FAM171B: variants seen among roughly 807,000 people sequenced by gnomAD.
FAM171B encodes protein FAM171B.
FAM171B carries 19 observed loss-of-function variants against 75.6 expected under a neutral mutation model. The ratio of observed to expected loss-of-function variants is 0.25; its 90% CI spans 0.18 to 0.37. The LOEUF is 0.37. Ranked by LOEUF, FAM171B falls within the 10% of genes least tolerant of loss-of-function variation. FAM171B has a pLI of 1.00. For synonymous variants in FAM171B, 367 were observed against 361.7 expected, an observed-to-expected ratio of 1.01 and a Z score of -0.17; for missense variants, 848 against 982.4, an observed-to-expected ratio of 0.86 and a Z score of 1.83.
intron 1 of FAM171B, among the ~76,000 whole-genome samples, chr2:186,719,885 A>G (rs111967492): frequency 1.3e-5 from 2 of 152,216 alleles, no homozygotes; most frequent in Non-Finnish European, 1.5e-5. Flanking sequence ...TTGTTTCCAA[A>G]TGTGAAAAAT....
At chr2:186,697,005 C>CGGATGGAT (rs1209065137) in intron 1 of FAM171B, among the ~76,000 whole-genome samples, 1,214 of 70,722 alleles carry the variant, frequency 0.017, 15 homozygotes, top group African/African-American at 0.082. Context: ...AATGGATGGA[C>CGGATGGAT]GGATGGATGG....
intron 1 of FAM171B, among the ~76,000 whole-genome samples, 190 bp downstream of exon 1, chr2:186,694,601 C>T (rs544136605): frequency 6.6e-6 from 1 of 152,116 alleles, no homozygotes; most frequent in African/African-American, 2.4e-5. Flanking sequence ...ATCTGCCCTC[C>T]GGGTAATGAG....
At chr2:186,715,483 A>G (rs774423446) in intron 1 of FAM171B, among the ~76,000 whole-genome samples, 1 of 152,184 alleles carries the variant, frequency 6.6e-6, no homozygotes, top group Non-Finnish European at 1.5e-5. Context: ...GATTACAAGC[A>G]TGAGCCACCA....
chr2:186,753,813 C>T (rs1387126801), intron 5 of FAM171B, 120 bp from the exon 6 acceptor site: 1 of 674,068 alleles, frequency 1.5e-6, no homozygotes, highest in Non-Finnish European at 2.7e-6. Flanking sequence ...ATATATTAGC[C>T]TATGATTATA....
chr2:186,740,239 A>G lies in FAM171B; in HGVS notation c.250A>G (p.Met84Val), dbSNP rs1690268474. 1.2e-6 allele frequency: 2 copies of G among 1,613,602 alleles called. No individual in the cohort carries two copies. Among genetic ancestry groups the G allele is most frequent in the East Asian group, 4.5e-5 (2 of 44,860 alleles). The change falls in exon 2 of 8, where the codon ATG becomes GTG. Residue 84 changes from methionine (M) to valine (V), a missense_variant. Physicochemically the swap from Met to Val is conservative, Grantham distance 21 (BLOSUM62 1). This residue lies in a region of FAM171B where 665 missense variants were observed against 729.0 expected (regional missense o/e 0.91). Transcript: ENST00000304698. ...CTTTTTCTCTCCAGTGTCTGTATTT[A>G]TGTTGAAAGTCCAGGTGAATGACAT... ...STLTVPVSVF[M>V]LKVQVNDIIS...
chr2:186,739,551 C>T lies in FAM171B; in HGVS notation c.239-677C>T, dbSNP rs1282345286. Among the ~76,000 whole-genome samples the T allele has an allele frequency of 2.6e-5, 4 of 152,096 alleles. No individual in the cohort carries two copies. In the East Asian group the frequency reaches 7.7e-4, roughly 29 times the overall value. On this transcript the variant is annotated intron_variant, in intron 1 of 7. Coordinates refer to ENST00000304698, the MANE Select transcript of FAM171B (RefSeq NM_177454.4). ...ACACAAATATAAACATTAGCCCAGG[C>T]CTACACAGGGCAGGATCATCAATAT... is the stretch of plus-strand genomic sequence containing the variant.
chr2:186,759,194 A>T (rs1690579465), intron 6 of FAM171B, among the ~76,000 whole-genome samples: 1 of 152,078 alleles, frequency 6.6e-6, no homozygotes, highest in Non-Finnish European at 1.5e-5. Flanking sequence ...TTATCCATTC[A>T]TCTGTTGATA....
intron 1 of FAM171B, among the ~76,000 whole-genome samples, chr2:186,739,867 C>A (rs1365536589): frequency 6.6e-6 from 1 of 152,150 alleles, no homozygotes; most frequent in Non-Finnish European, 1.5e-5. Flanking sequence ...CAACTGGCAG[C>A]ACAGGTTTGT....
rs1309029193 is a variant in FAM171B at position 186,765,654 on chromosome 2, A to C, written c.*2831A>C. On this transcript the variant is annotated 3_prime_UTR_variant, in exon 8 of 8. Transcript: ENST00000304698. ...TCTGTGGGTCAAATGATGTCCCTCA[A>C]AACTTCCTAAAAAGGTGAAGCTCAA... is the stretch of plus-strand genomic sequence containing the variant. 6.7e-6 allele frequency: 1 copy of C among 148,184 alleles called. No individual in the cohort carries two copies. The highest frequency in any genetic ancestry group is 1.5e-5 in the Non-Finnish European group (1 of 66,920). The allele number at this position is 148,184 out of a possible 1,614,324, so 9.2% of individuals were successfully genotyped here.
chr2:186,720,398 G>C (rs1023301425), intron 1 of FAM171B, among the ~76,000 whole-genome samples: 2 of 152,064 alleles, frequency 1.3e-5, no homozygotes, highest in African/African-American at 4.8e-5. Context: ...GCTCACTGTA[G>C]TTGTCATGTC....
At chr2:186,761,348 CTTT>C in intron 7 of FAM171B, 112 bp downstream of exon 7, 1 of 1,441,796 alleles carries the variant, frequency 6.9e-7, no homozygotes, top group South Asian at 1.4e-5. Context: ...ATAATATATC[CTTT>C]TTTATTTTTA....
At chr2:186,740,581 G>A (rs569735169) in intron 2 of FAM171B, 120 bp downstream of exon 2, 2 of 854,626 alleles carry the variant, frequency 2.3e-6, no homozygotes, top group African/African-American at 1.7e-5. Flanking sequence ...GTCAACATAA[G>A]GAGGTTACAA....
intron 1 of FAM171B, among the ~76,000 whole-genome samples, chr2:186,705,929 A>G (rs539452939): frequency 6.6e-6 from 1 of 152,188 alleles, no homozygotes; most frequent in African/African-American, 2.4e-5. Context: ...AGGTTTTGTT[A>G]TGTAATAAAC....
In FAM171B at chr2:186,731,264, G is replaced by T. The variant is rs894929168; in HGVS notation, c.239-8964G>T. 1.3e-5 allele frequency among the ~76,000 whole-genome samples: 2 copies of T among 152,182 alleles called. 1 individual carries two copies. The highest frequency in any genetic ancestry group is 1.3e-4 in the Admixed American group (2 of 15,280). ...AACTCTGGCTACAAGAAATGAAAGGGCTTTCTAGGAAAGATTATTATGTAG... is the reference window on the plus strand; with the variant it reads ...AACTCTGGCTACAAGAAATGAAAGGTCTTTCTAGGAAAGATTATTATGTAG... On this transcript the variant is annotated intron_variant, in intron 1 of 7. Coordinates refer to ENST00000304698, the MANE Select transcript of FAM171B (RefSeq NM_177454.4).
At chr2:186,746,214 A>G (rs1690363009) in intron 3 of FAM171B, among the ~76,000 whole-genome samples, 1 of 152,238 alleles carries the variant, frequency 6.6e-6, no homozygotes, top group Non-Finnish European at 1.5e-5. Context: ...CACTTGATAA[A>G]TAATGTTAGA....
At chr2:186,730,058 T>C (rs1690091350) in intron 1 of FAM171B, among the ~76,000 whole-genome samples, 1 of 152,168 alleles carries the variant, frequency 6.6e-6, no homozygotes, top group Non-Finnish European at 1.5e-5. Flanking sequence ...GCCTCTGGGT[T>C]CAAGCAATTC....
At position 186,740,286 on chromosome 2, in the gene FAM171B, C is replaced by A. The variant is rs768092377; in HGVS notation, c.297C>A (p.Ser99Arg). The change falls in exon 2 of 8, where the codon AGC becomes AGA. Residue 99 changes from serine (S) to arginine (R), a missense_variant. Coordinates refer to ENST00000304698, the MANE Select transcript of FAM171B (RefSeq NM_177454.4). ...VNDIISRQYL[S>R]QAVVEVFVNY... ...ACATCATCAGTCGTCAGTACCTGAG[C>A]CAAGCAGTTGTAGAAGTGTTTGTAA... is the stretch of plus-strand genomic sequence containing the variant. 6.2e-7 allele frequency: 1 copy of A among 1,613,974 alleles called. No individual in the cohort carries two copies. Among genetic ancestry groups the A allele is most frequent in the South Asian group, 1.1e-5 (1 of 91,070 alleles).
chr2:186,747,646 T>C (rs1377819804), intron 4 of FAM171B, among the ~76,000 whole-genome samples: 1 of 152,130 alleles, frequency 6.6e-6, no homozygotes, highest in Admixed American at 6.5e-5. Context: ...ATCCAACTGA[T>C]GAGAAGTGTC....
intron 1 of FAM171B, among the ~76,000 whole-genome samples, chr2:186,697,043 A>G (rs904964942): frequency 5.5e-4 from 81 of 146,914 alleles, no homozygotes; most frequent in East Asian, 4.7e-3. Flanking sequence ...TGGATGGATG[A>G]ATGAATGAAT....
Sources: gnomAD v4.1 joint callset for allele counts (sites outside exome capture counted in the v4.1 genomes callset) on GRCh38, gnomAD v4.1.1 for gene constraint, gnomAD v4.1.1 regional missense constraint, MANE v1.5 for transcripts, NCBI Gene and HGNC (gene_info 2026-07-23, HGNC 2026-07-21) for gene names.